Variants in AP3B1 observed in about 807,000 individuals in gnomAD.
The protein encoded by AP3B1 is adaptor related protein complex 3 subunit beta 1.
AP3B1 carries 61 observed loss-of-function variants against 132.5 expected under a neutral mutation model. The observed-to-expected ratio is 0.46, with a 90% CI of 0.37 to 0.57. AP3B1 has a LOEUF of 0.57. AP3B1 is among the 20% of genes least tolerant of loss of function. The pLI, the probability that AP3B1 is intolerant of heterozygous loss-of-function variation, is 0.00. For synonymous variants in AP3B1, 388 were observed against 438.3 expected (o/e 0.89, Z 1.43); for missense variants, 1,120 against 1,289.4 (o/e 0.87, Z 2.01).
At chr5:78,226,194 A>G (rs961723190) in intron 5 of AP3B1, among the ~76,000 whole-genome samples, 17 of 152,096 alleles carry the variant, frequency 1.1e-4, no homozygotes, top group African/African-American at 3.6e-4. Context: ...CTGGTGCCCA[A>G]TGATAGAAGG....
At chr5:78,150,302 A>C (rs1036363313) in intron 14 of AP3B1, among the ~76,000 whole-genome samples, 6 of 152,242 alleles carry the variant, frequency 3.9e-5, no homozygotes, top group African/African-American at 1.2e-4. Context: ...CACAGAAGCC[A>C]TGAGGAGACT....
At chr5:78,223,329 G>C (rs1162010450) in intron 6 of AP3B1, among the ~76,000 whole-genome samples, 1 of 151,906 alleles carries the variant, frequency 6.6e-6, no homozygotes, top group Non-Finnish European at 1.5e-5. Flanking sequence ...TAAACATATA[G>C]TATATAACAC....
chr5:78,262,990 T>G (rs770945732), intron 2 of AP3B1, among the ~76,000 whole-genome samples: 3 of 151,248 alleles, frequency 2.0e-5, no homozygotes, highest in Non-Finnish European at 4.4e-5. Context: ...TTTTTCAAGG[T>G]TGTTTTGGCT....
At chr5:78,200,892 C>T (rs542255806) in intron 7 of AP3B1, among the ~76,000 whole-genome samples, 6 of 152,152 alleles carry the variant, frequency 3.9e-5, no homozygotes, top group Admixed American at 3.9e-4. Context: ...GCCTTAACCT[C>T]CAAATATGAC....
intron 22 of AP3B1, among the ~76,000 whole-genome samples, chr5:78,087,835 C>T (rs1004003270): frequency 6.6e-6 from 1 of 152,114 alleles, no homozygotes; most frequent in Non-Finnish European, 1.5e-5. Flanking sequence ...TATCACATAT[C>T]GTATCACTTT....
chr5:78,114,922 C>T (rs1251680249), intron 18 of AP3B1, among the ~76,000 whole-genome samples: 5 of 152,120 alleles, frequency 3.3e-5, no homozygotes, highest in Non-Finnish European at 7.4e-5. Context: ...TTCAACTTCT[C>T]TGGGTTTTGG....
intron 22 of AP3B1, chr5:78,043,457 C>A: frequency 4.4e-6 from 1 of 226,112 alleles, no homozygotes. Flanking sequence ...TCACCTTTCT[C>A]TTCCTCTGCC....
chr5:78,158,769 T>C (rs1412885404), intron 13 of AP3B1, among the ~76,000 whole-genome samples: 1 of 151,952 alleles, frequency 6.6e-6, no homozygotes, highest in Non-Finnish European at 1.5e-5. Flanking sequence ...CAATCTCGGC[T>C]CACTGCAACC....
intron 22 of AP3B1, among the ~76,000 whole-genome samples, chr5:78,074,840 G>A (rs1749692570): frequency 6.6e-6 from 1 of 152,122 alleles, no homozygotes; most frequent in South Asian, 2.1e-4. Flanking sequence ...GGCTGAGGCA[G>A]GAGAACTGCT....
intron 1 of AP3B1, among the ~76,000 whole-genome samples, chr5:78,293,713 C>G (rs1359160556): frequency 6.6e-6 from 1 of 151,444 alleles, no homozygotes; most frequent in African/African-American, 2.4e-5. Flanking sequence ...ACCACCAACC[C>G]ACCCCCCAAA....
chr5:78,081,474 AT>A (rs968037537), intron 22 of AP3B1, among the ~76,000 whole-genome samples: 1 of 151,328 alleles, frequency 6.6e-6, no homozygotes, highest in Non-Finnish European at 1.5e-5. Context: ...CGCCCGGCTA[AT>A]TTTTTTTGTA....
At chr5:78,231,397 C>T (rs1171859901) in intron 3 of AP3B1, among the ~76,000 whole-genome samples, 1 of 152,038 alleles carries the variant, frequency 6.6e-6, no homozygotes, top group Admixed American at 6.5e-5. Context: ...TGGTCTTGAA[C>T]ACCTGACCTC....
chr5:78,165,839 C>T (rs868506808), intron 11 of AP3B1, among the ~76,000 whole-genome samples, 167 bp from the exon 12 acceptor site: 41 of 152,142 alleles, frequency 2.7e-4, no homozygotes, highest in African/African-American at 8.9e-4. Context: ...GAAGCCGAGG[C>T]GGGCGGATCA....
intron 13 of AP3B1, among the ~76,000 whole-genome samples, chr5:78,160,235 A>G (rs775333822): frequency 3.3e-5 from 5 of 152,212 alleles, no homozygotes; most frequent in Admixed American, 6.5e-5. Flanking sequence ...CAACTGATTT[A>G]AGTCTTCAAT....
chr5:78,169,901 C>T (rs1217785630), intron 11 of AP3B1, among the ~76,000 whole-genome samples: 1 of 152,096 alleles, frequency 6.6e-6, no homozygotes, highest in South Asian at 2.1e-4. Context: ...TGTTATCCCT[C>T]CCACAGCCCA....
rs1039413089 is a variant in AP3B1 at position 78,294,670 on chromosome 5, C to G, written c.-91G>C. 6.3e-6 allele frequency: 10 copies of G among 1,595,150 alleles called. No individual in the cohort carries two copies. Among genetic ancestry groups the G allele is most frequent in the Non-Finnish European group, 8.5e-6 (10 of 1,171,586 alleles). Reference sequence around the variant, plus strand: ...GAGGGCACGGAACAAAACTAGTTCTCGTACGGAGGAGCGCGCGCAGGCGCT... The same window carrying G: ...GAGGGCACGGAACAAAACTAGTTCTGGTACGGAGGAGCGCGCGCAGGCGCT... On this transcript the variant is annotated 5_prime_UTR_variant, in exon 1 of 27. Transcript: ENST00000255194.
chr5:78,030,207 C>T (rs1239502988), intron 24 of AP3B1, among the ~76,000 whole-genome samples: 1 of 152,068 alleles, frequency 6.6e-6, no homozygotes, highest in African/African-American at 2.4e-5. Context: ...GTGCAATCAT[C>T]GCGCACTGCA....
chr5:78,150,836 A>G (rs920849593), intron 14 of AP3B1, among the ~76,000 whole-genome samples: 3 of 152,130 alleles, frequency 2.0e-5, no homozygotes, highest in Non-Finnish European at 4.4e-5. Context: ...GATACCCTGC[A>G]CTTAGATTCC....
At chr5:78,017,259 A>C (rs1421290637) in intron 25 of AP3B1, among the ~76,000 whole-genome samples, 1 of 152,096 alleles carries the variant, frequency 6.6e-6, no homozygotes, top group Non-Finnish European at 1.5e-5. Flanking sequence ...TATTGGCATA[A>C]AGCAAAGTAA....
Sources: allele counts gnomAD v4.1 joint callset (sites outside exome capture counted in the v4.1 genomes callset), GRCh38; gene constraint gnomAD v4.1.1; transcripts MANE v1.5; gene names NCBI Gene and HGNC (gene_info 2026-07-23, HGNC 2026-07-21).